The following ZNF618 variants were observed in gnomAD, a reference collection of about 807,000 sequenced individuals.
ZNF618 encodes zinc finger protein 618, also known as neural precursor cell expressed, developmentally down-regulated 10.
ZNF618 carries 34 observed loss-of-function variants against 103.0 expected under a neutral mutation model. The ratio of observed to expected loss-of-function variants is 0.33; its 90% confidence interval spans 0.25 to 0.44. The LOEUF (loss-of-function observed/expected upper bound fraction) is 0.44. Among genes scored for constraint, ZNF618 ranks in the 20% least tolerant of loss-of-function variants. The pLI, the probability that ZNF618 is intolerant of heterozygous loss-of-function variation, is 1.00. For synonymous variants in ZNF618, 551 were observed against 542.2 expected (o/e 1.02, Z -0.23); for missense variants, 1,059 against 1,295.4 (o/e 0.82, Z 2.80).
chr9:113,995,737 C>A (rs1211127846), intron 3 of ZNF618, among the ~76,000 whole-genome samples: 2 of 152,104 alleles, frequency 1.3e-5, no homozygotes, highest in Non-Finnish European at 2.9e-5. Context: ...TTGGAAGTCA[C>A]CCGATTCAAA....
At chr9:113,945,878 AG>A in intron 1 of ZNF618, among the ~76,000 whole-genome samples, 1 of 152,356 alleles carries the variant, frequency 6.6e-6, no homozygotes, top group Non-Finnish European at 1.5e-5. Context: ...TGGGGATGAA[AG>A]GCGTGATATA....
intron 6 of ZNF618, among the ~76,000 whole-genome samples, chr9:114,004,107 C>T (rs1367921676): frequency 6.6e-6 from 1 of 152,198 alleles, no homozygotes; most frequent in African/African-American, 2.4e-5. Flanking sequence ...CAAACCAGAG[C>T]AGTTTGAAGA....
intron 9 of ZNF618, among the ~76,000 whole-genome samples, chr9:114,013,846 T>C (rs1268662227): frequency 6.6e-6 from 1 of 152,198 alleles, no homozygotes; most frequent in East Asian, 1.9e-4. Context: ...CCTGGAAGCT[T>C]ATTAGAAATG....
At position 113,959,670 on chromosome 9, in the gene ZNF618, C is replaced by G. The variant is rs571995885; in HGVS notation, c.34-9447C>G. 2.6e-4 allele frequency among the ~76,000 whole-genome samples: 40 copies of G among 152,308 alleles called. No homozygotes were observed. In the South Asian group the frequency reaches 7.9e-3, roughly 30 times the overall value. ...TTGCCCAAGTTGGAGTGCAGTGACA[C>G]GATCTCAGCTCACTGCAACCTCCGC... On this transcript the variant is annotated intron_variant, in intron 1 of 14. Coordinates refer to ENST00000374126, the MANE Select transcript of ZNF618 (RefSeq NM_001318042.2).
Position 114,032,706 on chromosome 9 carries a change from C to G in ZNF618, c.1146C>G (p.Asn382Lys). 1 of 1,614,058 alleles carries G rather than the reference C, an allele frequency of 6.2e-7. No individual in the cohort carries two copies. Among genetic ancestry groups the G allele is most frequent in the Non-Finnish European group, 8.5e-7 (1 of 1,179,898 alleles). ...GKAQNHFEET[N>K]SSSQNSSEPY... ...CACAAAACCACTTTGAAGAGACGAA[C>G]AGCAGTTCGCAGAACTCCAGCGGTG... Residue 382 changes from asparagine (N) to lysine (K), a missense_variant, in exon 12 of 15, where the codon AAC (asparagine) becomes AAG (lysine). This residue lies in a region of ZNF618 where 434 missense variants were observed against 476.0 expected (regional missense o/e 0.91). Transcript: ENST00000374126.
At chr9:113,968,470 C>T (rs1329671632) in intron 1 of ZNF618, among the ~76,000 whole-genome samples, 2 of 152,184 alleles carry the variant, frequency 1.3e-5, no homozygotes, top group African/African-American at 4.8e-5. Flanking sequence ...TCAGCCTCTG[C>T]ATTGAGGTCC....
intron 1 of ZNF618, among the ~76,000 whole-genome samples, chr9:113,965,740 G>A (rs890921029): frequency 5.9e-5 from 9 of 152,308 alleles, no homozygotes; most frequent in African/African-American, 2.2e-4. Context: ...GAGACTCAGA[G>A]CCAGGGAAAC....
chr9:114,055,170 T>C lies in ZNF618; in HGVS notation c.*5003T>C, dbSNP rs1007798366. The C allele has an allele frequency of 1.3e-5, 2 of 152,122 alleles. No individual in the cohort carries two copies. Among genetic ancestry groups the C allele is most frequent in the Admixed American group, 1.3e-4 (2 of 15,280 alleles). The allele number at this position is 152,122 out of a possible 1,614,324, so 9.4% of individuals were successfully genotyped here. A position where few individuals can be genotyped will look rare whatever the true frequency, so the allele number is the denominator to read the frequency against. On this transcript the variant is annotated 3_prime_UTR_variant, in exon 15 of 15. Transcript: ENST00000374126. The stretch of plus-strand genomic sequence containing the variant: ...GGGATTCCTGTGGCGCTTCCTGAAT[T>C]CCAGGTTGGCACAGATGATGAGGTC...
intron 1 of ZNF618, among the ~76,000 whole-genome samples, chr9:113,935,257 A>G (rs964648081): frequency 6.6e-6 from 1 of 152,214 alleles, no homozygotes. Context: ...CTGTGGGAGC[A>G]GATGGACATT....
chr9:114,054,536 G>A lies in ZNF618; in HGVS notation c.*4369G>A, dbSNP rs10739400. On this transcript the variant is annotated 3_prime_UTR_variant, in exon 15 of 15. Coordinates refer to ENST00000374126, the MANE Select transcript of ZNF618 (RefSeq NM_001318042.2). ...CAGAACAAGAGACTAAGTAAGGTCC[G>A]GCTATCCCGTGGAGCCAGTAGTAGG... 136,237 of 152,672 alleles carry A rather than the reference G, an allele frequency of 0.89. 62,115 individuals are homozygous for A. Among genetic ancestry groups the A allele is most frequent in the South Asian group, 0.99 (4,797 of 4,834 alleles). 9.5% of individuals were successfully genotyped at this position (152,672 alleles called of 1,614,324 possible). A position where few individuals can be genotyped will look rare whatever the true frequency, so the allele number is the denominator to read the frequency against.
intron 13 of ZNF618, among the ~76,000 whole-genome samples, chr9:114,038,601 A>G (rs1008270595): frequency 6.6e-6 from 1 of 152,252 alleles, no homozygotes; most frequent in Non-Finnish European, 1.5e-5. Context: ...GGCACAGGGT[A>G]ATTCCCGCTA....
At chr9:113,918,122 G>T (rs1395924657) in intron 1 of ZNF618, among the ~76,000 whole-genome samples, 1 of 152,120 alleles carries the variant, frequency 6.6e-6, no homozygotes, top group Admixed American at 6.6e-5. Flanking sequence ...AGTCCCCACC[G>T]GTTGTTTTAT....
Position 114,002,642 on chromosome 9 carries a change from G to T in ZNF618, c.530G>T (p.Gly177Val). 1 of 1,611,444 alleles carries T rather than the reference G, an allele frequency of 6.2e-7. No individual in the cohort carries two copies. Among genetic ancestry groups the T allele is most frequent in the Non-Finnish European group, 8.5e-7 (1 of 1,179,714 alleles). ...TTTGCAGACACCGAAGCCACCTCAG[G>T]GGAGGGAGCCTCCCAAAGCAGTGAG... ...RAHRDTEATS[G>V]EGASQSNNFR... The change falls in exon 6 of 15, where the codon GGG becomes GTG. Residue 177 changes from glycine (G) to valine (V), a missense_variant. By Grantham distance (109) the Gly-to-Val change is moderately radical (BLOSUM62 -3). Around this residue, in one of 6 missense-constraint regions of ZNF618, gnomAD observed 434 missense variants for 476.0 expected, o/e 0.91. Coordinates refer to ENST00000374126, the MANE Select transcript of ZNF618 (RefSeq NM_001318042.2).
chr9:113,970,287 A>G (rs373153681), intron 2 of ZNF618, among the ~76,000 whole-genome samples: 5 of 152,070 alleles, frequency 3.3e-5, no homozygotes, highest in Non-Finnish European at 5.9e-5. Flanking sequence ...TTGAGAAACC[A>G]TGGAAAGATA....
At chr9:113,998,049 G>A (rs894211204) in intron 3 of ZNF618, among the ~76,000 whole-genome samples, 1 of 152,256 alleles carries the variant, frequency 6.6e-6, no homozygotes, top group Non-Finnish European at 1.5e-5. Flanking sequence ...AATTCAGGGA[G>A]CTGTTGACCC....
intron 13 of ZNF618, among the ~76,000 whole-genome samples, chr9:114,044,332 T>A (rs1172774628): frequency 6.6e-6 from 1 of 152,182 alleles, no homozygotes; most frequent in Non-Finnish European, 1.5e-5. Flanking sequence ...TTTTGTTTGC[T>A]TTGTTGAAGA....
At chr9:113,885,339 A>G (rs143373111) in intron 1 of ZNF618, among the ~76,000 whole-genome samples, 162 of 152,384 alleles carry the variant, frequency 1.1e-3, no homozygotes, top group South Asian at 2.5e-3. Flanking sequence ...GACATAAGAT[A>G]ACAAGTTTGA....
At chr9:113,946,581 G>A (rs1049421627) in intron 1 of ZNF618, among the ~76,000 whole-genome samples, 2 of 152,084 alleles carry the variant, frequency 1.3e-5, no homozygotes, top group East Asian at 1.9e-4. Flanking sequence ...GAAGGGACTC[G>A]GCCCTGACCC....
At position 114,050,138 on chromosome 9, in the gene ZNF618, C is replaced by A; in HGVS notation, c.2836C>A (p.Leu946Ile). 1 of 1,564,550 alleles carries A rather than the reference C, an allele frequency of 6.4e-7. No homozygotes were observed. The highest frequency in any genetic ancestry group is 1.2e-5 in the South Asian group (1 of 86,030). ...GCTCAGTCCAGAAGATATGAATAAA[C>A]TCATGTTTCTGAAATCCAACATGCT... ...RLLSPEDMNK[L>I]MFLKSNML Residue 946 changes from leucine to isoleucine, a missense_variant, in exon 15 of 15, where the codon CTC becomes ATC. By Grantham distance (5) the Leu-to-Ile change is conservative (BLOSUM62 2). Around this residue, in one of 6 missense-constraint regions of ZNF618, gnomAD observed 156 missense variants for 197.1 expected, o/e 0.79. Transcript: ENST00000374126.
Sources: allele counts gnomAD v4.1 joint callset (sites outside exome capture counted in the v4.1 genomes callset), GRCh38; gene constraint gnomAD v4.1.1; regional missense constraint gnomAD v4.1.1; transcripts MANE v1.5; gene names NCBI Gene and HGNC (gene_info 2026-07-23, HGNC 2026-07-21).